The following CTXND1 variants were observed in gnomAD, a reference collection of about 807,000 sequenced individuals.
CTXND1 encodes cortexin domain containing 1, also known as cortexin domain-containing 1 protein.
At chr15:80,238,008 C>CAAAAAAAAAAAAAAA (rs57718635) in intron 1 of CTXND1, among the ~76,000 whole-genome samples, 2 of 77,104 alleles carry the variant, frequency 2.6e-5, no homozygotes, top group African/African-American at 5.7e-5. Context: ...GACTCCATCT[C>CAAAAAAAAAAAAAAA]AAAAAAAAAA....
chr15:80,236,985 C>T (rs930649039), intron 1 of CTXND1, among the ~76,000 whole-genome samples: 6 of 151,842 alleles, frequency 4.0e-5, no homozygotes, highest in Non-Finnish European at 8.8e-5. Flanking sequence ...ATTTTACTGG[C>T]TTATGTATTT....
At chr15:80,233,919 ATAGGT>A (rs1458259706) in intron 1 of CTXND1, among the ~76,000 whole-genome samples, 5 of 152,212 alleles carry the variant, frequency 3.3e-5, no homozygotes, top group Non-Finnish European at 7.3e-5. Context: ...CAACTTGACC[ATAGGT>A]TCCATAAGCA....
At chr15:80,245,047 T>G (rs1334556228) in intron 1 of CTXND1, among the ~76,000 whole-genome samples, 1 of 152,132 alleles carries the variant, frequency 6.6e-6, no homozygotes, top group Non-Finnish European at 1.5e-5. Flanking sequence ...GGGTGAGGAT[T>G]AGGGTACCAG....
At chr15:80,235,047 C>T (rs547137416) in intron 1 of CTXND1, among the ~76,000 whole-genome samples, 2 of 152,280 alleles carry the variant, frequency 1.3e-5, no homozygotes, top group Middle Eastern at 3.4e-3. Context: ...CATGACTTCT[C>T]TGTGTCTTGC....
intron 1 of CTXND1, among the ~76,000 whole-genome samples, chr15:80,207,929 C>A (rs776238022): frequency 2.6e-5 from 4 of 152,200 alleles, no homozygotes; most frequent in Admixed American, 6.5e-5. Flanking sequence ...CTTGAGATAG[C>A]TGAAAACTTC....
intron 1 of CTXND1, among the ~76,000 whole-genome samples, chr15:80,247,919 G>T (rs758138062): frequency 2.0e-5 from 3 of 152,240 alleles, no homozygotes; most frequent in African/African-American, 7.2e-5. Flanking sequence ...TCACTACTTG[G>T]GAGCTGAATC....
intron 1 of CTXND1, among the ~76,000 whole-genome samples, chr15:80,235,238 C>G (rs10438388): frequency 0.2 from 30,775 of 151,986 alleles, 3,209 homozygotes; most frequent in Middle Eastern, 0.26. Context: ...TGCAGTCAAC[C>G]CTTAGGGGCT....
At chr15:80,203,261 C>T (rs1186686793) in intron 2 of CTXND1, among the ~76,000 whole-genome samples, 1 of 152,120 alleles carries the variant, frequency 6.6e-6, no homozygotes, top group East Asian at 1.9e-4. Context: ...CTCTGTGCTT[C>T]GTGTTCTGTC....
chr15:80,246,719 A>G (rs1893634706), intron 1 of CTXND1, among the ~76,000 whole-genome samples: 1 of 151,966 alleles, frequency 6.6e-6, no homozygotes, highest in African/African-American at 2.4e-5. Flanking sequence ...CAGATTTTAG[A>G]CTCTAATGTT....
rs12324217 is a variant in CTXND1 at position 80,245,702 on chromosome 15, G to A, written c.-218+6305C>T. 6.0e-3 allele frequency among the ~76,000 whole-genome samples: 907 copies of A among 152,270 alleles called. 10 individuals are homozygous for A. Among genetic ancestry groups the A allele is most frequent in the African/African-American group, 0.02 (843 of 41,538 alleles). On this transcript the variant is annotated intron_variant, in intron 1 of 2. Coordinates refer to ENST00000560778, the MANE Select transcript of CTXND1 (RefSeq NM_001352888.2). ...AAGGAACTTGTGGACGTATTTTAAA[G>A]CCACTCTGAGGCTCTCACCCTTCCC...
At chr15:80,210,909 G>T (rs1401554905) in intron 1 of CTXND1, among the ~76,000 whole-genome samples, 1 of 152,160 alleles carries the variant, frequency 6.6e-6, no homozygotes, top group Non-Finnish European at 1.5e-5. Flanking sequence ...TCCTAGGTAG[G>T]TGAGTCTTCT....
intron 1 of CTXND1, among the ~76,000 whole-genome samples, chr15:80,204,189 T>C (rs1306772394): frequency 0.013 from 678 of 52,878 alleles, 59 homozygotes; most frequent in South Asian, 0.015. Context: ...TATATATATA[T>C]ATATATATAT....
intron 1 of CTXND1, among the ~76,000 whole-genome samples, chr15:80,237,373 C>T (rs1163841078): frequency 2.8e-5 from 4 of 143,400 alleles, no homozygotes; most frequent in Non-Finnish European, 6.1e-5. Context: ...AAAAAGAAAA[C>T]AGTGAATTAT....
chr15:80,237,668 G>T (rs1377912447), intron 1 of CTXND1, among the ~76,000 whole-genome samples: 2 of 152,142 alleles, frequency 1.3e-5, no homozygotes, highest in Non-Finnish European at 2.9e-5. Flanking sequence ...GCAATATTTT[G>T]TACACTATGT....
intron 1 of CTXND1, among the ~76,000 whole-genome samples, chr15:80,222,140 T>G (rs1893325628): frequency 6.6e-6 from 1 of 152,190 alleles, no homozygotes; most frequent in South Asian, 2.1e-4. Flanking sequence ...ATCCTCTATT[T>G]CTTCATGGCT....
chr15:80,242,911 C>T (rs1434183192), intron 1 of CTXND1, among the ~76,000 whole-genome samples: 1 of 152,140 alleles, frequency 6.6e-6, no homozygotes, highest in African/African-American at 2.4e-5. Flanking sequence ...TCTGATTTTA[C>T]CATCTCATGC....
chr15:80,240,222 C>T (rs1893549554), intron 1 of CTXND1, among the ~76,000 whole-genome samples: 1 of 152,206 alleles, frequency 6.6e-6, no homozygotes, highest in Non-Finnish European at 1.5e-5. Flanking sequence ...GCCTCGGCCT[C>T]CCAAAGTGGT....
intron 1 of CTXND1, among the ~76,000 whole-genome samples, chr15:80,243,114 C>G (rs530478074): frequency 6.6e-6 from 1 of 152,308 alleles, no homozygotes; most frequent in Admixed American, 6.5e-5. Context: ...GTGCATCTGC[C>G]CGGTTCCCTT....
At chr15:80,230,378 G>T (rs528572318) in intron 1 of CTXND1, among the ~76,000 whole-genome samples, 66 of 152,236 alleles carry the variant, frequency 4.3e-4, no homozygotes, top group African/African-American at 1.5e-3. Flanking sequence ...CTTCTGTGCT[G>T]GGATTACAGA....
Sources: gnomAD v4.1 joint callset for allele counts (sites outside exome capture counted in the v4.1 genomes callset) on GRCh38, gnomAD v4.1.1 for gene constraint, MANE v1.5 for transcripts, NCBI Gene and HGNC (gene_info 2026-07-23, HGNC 2026-07-21) for gene names.